GDF3: variants seen among roughly 807,000 people sequenced by gnomAD.
GDF3 encodes the protein growth differentiation factor 3.
A neutral mutation model predicts 10.2 loss-of-function variants in GDF3; 10 were observed. The observed-to-expected ratio is 0.98, with a 90% confidence interval of 0.60 to 1.66. The LOEUF (loss-of-function observed/expected upper bound fraction) is 1.66, where lower values mean the gene tolerates loss of function less well. Ranked by LOEUF, GDF3 falls within the 40% of genes most tolerant of loss-of-function variation. The pLI is 0.00. For synonymous variants in GDF3, 166 were observed against 178.5 expected (o/e 0.93, Z 0.56); for missense variants, 450 against 438.3 (o/e 1.03, Z -0.24).
At position 7,690,537 on chromosome 12, in the gene GDF3, C is replaced by T. The variant is rs1864118147; in HGVS notation, c.436G>A (p.Ala146Thr). The T allele has an allele frequency of 6.2e-7, 1 of 1,610,212 alleles. No homozygotes were observed. Among genetic ancestry groups the T allele is most frequent in the Non-Finnish European group, 8.5e-7 (1 of 1,177,446 alleles). ...TGAGGCTCCTGAACCAGGAACAGAGCCAGTTCCAGCTCTGGTCCCAGGTTA... is the reference window on the plus strand; with the variant it reads ...TGAGGCTCCTGAACCAGGAACAGAGTCAGTTCCAGCTCTGGTCCCAGGTTA... ...YYNLGPELELALFLVQEPHVW... is the reference protein window; with the variant it reads ...YYNLGPELELTLFLVQEPHVW... Residue 146 changes from alanine to threonine, a missense_variant, in exon 2 of 2, where the codon GCT (alanine) becomes ACT (threonine). Physicochemically the swap from Ala to Thr is moderately conservative, Grantham distance 58. Coordinates refer to ENST00000329913, the MANE Select transcript of GDF3 (RefSeq NM_020634.3).
chr12:7,694,223 G>A (rs930447220), intron 1 of GDF3, among the ~76,000 whole-genome samples: 4 of 152,028 alleles, frequency 2.6e-5, no homozygotes, highest in Non-Finnish European at 5.9e-5. Flanking sequence ...TTTTGCAGAC[G>A]AGAATTTTAC....
intron 1 of GDF3, among the ~76,000 whole-genome samples, chr12:7,693,225 T>C (rs2136877921): frequency 6.6e-6 from 1 of 151,894 alleles, no homozygotes; most frequent in South Asian, 2.1e-4. Flanking sequence ...TTCCCCGAGA[T>C]GGAGTCTTGC....
At position 7,695,579 on chromosome 12, in the gene GDF3, G is replaced by A. The variant is rs748396785; in HGVS notation, c.150C>T (p.Ile50=). The change falls in exon 1 of 2, where the codon ATC becomes ATT. Residue 50 remains isoleucine (I), a synonymous_variant. Transcript: ENST00000329913. ...CGCGATCCTGGAAAATTTTCTTCAA[G>A]ATATAAGGCACAGGTTGGAACTTCT... is the stretch of plus-strand genomic sequence containing the variant. The part of the protein sequence containing the change: ...SPQKFQPVPY[I]LKKIFQDREA... 44 of 1,614,026 alleles carry A rather than the reference G, an allele frequency of 2.7e-5. No individual in the cohort carries two copies. The highest frequency in any genetic ancestry group is 3.5e-5 in the Non-Finnish European group (41 of 1,180,024).
intron 1 of GDF3, among the ~76,000 whole-genome samples, chr12:7,692,892 G>T (rs3861094): frequency 2.6e-5 from 4 of 151,684 alleles, no homozygotes; most frequent in African/African-American, 9.7e-5. Flanking sequence ...ATCCTCCCAC[G>T]TCTCAAAGTG....
rs1864106114 is a variant in GDF3, at chr12:7,689,827, T to C, written c.*51A>G. 8.4e-7 allele frequency: 1 copy of C among 1,192,610 alleles called. No homozygotes were observed. The highest frequency in any genetic ancestry group is 1.3e-6 in the Non-Finnish European group (1 of 798,282). 73.9% of individuals were successfully genotyped at this position (1,192,610 alleles called of 1,614,324 possible). ...TGGTCATAAACCAGATAGGTAGTTT[T>C]ATTAAAAGATTTACCCTAAGAACAC... On this transcript the variant is annotated 3_prime_UTR_variant, in exon 2 of 2. Coordinates refer to ENST00000329913, the MANE Select transcript of GDF3 (RefSeq NM_020634.3).
chr12:7,692,690 G>A (rs1474553934), intron 1 of GDF3, among the ~76,000 whole-genome samples: 1 of 151,958 alleles, frequency 6.6e-6, no homozygotes, highest in Admixed American at 6.6e-5. Flanking sequence ...TTTTAGTAGA[G>A]ACGGGGTTTC....
At position 7,695,567 on chromosome 12, in the gene GDF3, A is replaced by C. The variant is rs375720989; in HGVS notation, c.162T>G (p.Ile54Met). ...TCGCTGCTGCCTCGCGATCCTGGAA[A>C]ATTTTCTTCAAGATATAAGGCACAG... ...FQPVPYILKK[I>M]FQDREAAATT... The change falls in exon 1 of 2, where the codon ATT becomes ATG. Residue 54 changes from isoleucine (I) to methionine (M), a missense_variant. Transcript: ENST00000329913. 52 of 1,613,978 alleles carry C rather than the reference A, an allele frequency of 3.2e-5. No individual in the cohort carries two copies. The Middle Eastern group carries it at 6.6e-4, about 20-fold the overall frequency.
In GDF3 at chr12:7,695,662, G is replaced by T. The variant is rs755588787; in HGVS notation, c.67C>A (p.Gln23Lys). 16 of 1,614,068 alleles carry T rather than the reference G, an allele frequency of 9.9e-6. No homozygotes were observed. The South Asian group carries it at 1.6e-4, about 17-fold the overall frequency. The change falls in exon 1 of 2, where the codon CAA (glutamine) becomes AAA (lysine). Residue 23 changes from glutamine to lysine, a missense_variant. Transcript: ENST00000329913. ...TGGAGAAAGACATATTCTTGAAATT[G>T]GACTGCCTGGCCCAAAGCCAGAATT... The part of the protein sequence containing the change: ...LLILALGQAV[Q>K]FQEYVFLQFL...
At position 7,695,631 on chromosome 12, in the gene GDF3, A is replaced by C; in HGVS notation, c.98T>G (p.Leu33Arg). The C allele has an allele frequency of 2.5e-6, 4 of 1,614,178 alleles. No homozygotes were observed. Among genetic ancestry groups the C allele is most frequent in the Non-Finnish European group, 3.4e-6 (4 of 1,180,006 alleles). Residue 33 changes from leucine (L) to arginine (R), a missense_variant, in exon 1 of 2, where the codon CTG (leucine) becomes CGG (arginine). Leu to Arg is a moderately radical substitution (Grantham distance 102). Coordinates refer to ENST00000329913, the MANE Select transcript of GDF3 (RefSeq NM_020634.3). ...QFQEYVFLQF[L>R]GLDKAPSPQK... ...GGGTGAAGGCGCCTTATCTAAGCCCAGAAATTGGAGAAAGACATATTCTTG... is the reference window on the plus strand; with the variant it reads ...GGGTGAAGGCGCCTTATCTAAGCCCCGAAATTGGAGAAAGACATATTCTTG...
chr12:7,694,072 G>A (rs1864158341), intron 1 of GDF3, among the ~76,000 whole-genome samples: 1 of 152,174 alleles, frequency 6.6e-6, no homozygotes, highest in South Asian at 2.1e-4. Context: ...GTGAGGATGA[G>A]ACAAGAGTGC....
chr12:7,691,595 C>T (rs1040216828), intron 1 of GDF3, among the ~76,000 whole-genome samples: 1 of 151,624 alleles, frequency 6.6e-6, no homozygotes, highest in African/African-American at 2.4e-5. Flanking sequence ...AAACAAAACA[C>T]TTATGCTAAC....
chr12:7,689,854 C>G lies in GDF3; in HGVS notation c.*24G>C. The G allele has an allele frequency of 6.9e-7, 1 of 1,440,230 alleles. No homozygotes were observed. Among genetic ancestry groups the G allele is most frequent in the Non-Finnish European group, 9.8e-7 (1 of 1,021,728 alleles). 89.2% of individuals were successfully genotyped at this position (1,440,230 alleles called of 1,614,324 possible). A position where few individuals can be genotyped will look rare whatever the true frequency, so the allele number is the denominator to read the frequency against. On this transcript the variant is annotated 3_prime_UTR_variant, in exon 2 of 2. Coordinates refer to ENST00000329913, the MANE Select transcript of GDF3 (RefSeq NM_020634.3). ...TTAAAAGATTTACCCTAAGAACACT[C>G]CTTCTATTCCCATTTCTGACATCCT...
chr12:7,695,661 T>C lies in GDF3; in HGVS notation c.68A>G (p.Gln23Arg). 2 of 1,614,174 alleles carry C rather than the reference T, an allele frequency of 1.2e-6. No individual in the cohort carries two copies. Among genetic ancestry groups the C allele is most frequent in the South Asian group, 2.2e-5 (2 of 91,086 alleles). Residue 23 changes from glutamine to arginine, a missense_variant, in exon 1 of 2, where the codon CAA (glutamine) becomes CGA (arginine). Transcript: ENST00000329913. ...LLILALGQAV[Q>R]FQEYVFLQFL... is the part of the protein sequence containing the mutation. ...TTGGAGAAAGACATATTCTTGAAAT[T>C]GGACTGCCTGGCCCAAAGCCAGAAT...
At chr12:7,690,807 G>T (rs754191808) in intron 1 of GDF3, 103 bp from the exon 2 acceptor site, 2 of 725,912 alleles carry the variant, frequency 2.8e-6, no homozygotes, top group Non-Finnish European at 4.9e-6. Context: ...TATAAGGGCA[G>T]GGAAAGACAC....
intron 1 of GDF3, among the ~76,000 whole-genome samples, chr12:7,694,401 C>CTAAAAAAT (rs142047025): frequency 0.13 from 19,009 of 150,290 alleles, 1,226 homozygotes; most frequent in Non-Finnish European, 0.14. Context: ...CCTGTCTCTA[C>CTAAAAAAT]TAAAAAATTA....
rs1019803817 is a variant in GDF3, at chr12:7,689,801, G to A, written c.*77C>T. The A allele has an allele frequency of 1.0e-6, 1 of 960,622 alleles. No homozygotes were observed. Among genetic ancestry groups the A allele is most frequent in the African/African-American group, 1.6e-5 (1 of 62,704 alleles). The allele number at this position is 960,622 out of a possible 1,614,324, so 59.5% of individuals were successfully genotyped here. On this transcript the variant is annotated 3_prime_UTR_variant, in exon 2 of 2. Transcript: ENST00000329913. ...CAGGTATATTGACATTTCGATCTAA[G>A]TGGTCATAAACCAGATAGGTAGTTT... is the stretch of plus-strand genomic sequence containing the variant.
At chr12:7,690,775 TGCCAGACACCC>T in intron 1 of GDF3, 71 bp from the exon 2 acceptor site, 3 of 878,406 alleles carry the variant, frequency 3.4e-6, no homozygotes, top group Non-Finnish European at 5.8e-6. Flanking sequence ...ATAATAGAAA[TGCCAGACACCC>T]ACATATACAA....
In GDF3 at chr12:7,695,631, A is replaced by G. The variant is rs1412440132; in HGVS notation, c.98T>C (p.Leu33Pro). ...GGGTGAAGGCGCCTTATCTAAGCCC[A>G]GAAATTGGAGAAAGACATATTCTTG... ...QFQEYVFLQFLGLDKAPSPQK... is the reference protein window; with the variant it reads ...QFQEYVFLQFPGLDKAPSPQK... Residue 33 changes from leucine to proline, a missense_variant, in exon 1 of 2, where the codon CTG (leucine) becomes CCG (proline). Physicochemically the swap from Leu to Pro is moderately conservative, Grantham distance 98. Transcript: ENST00000329913. The G allele has an allele frequency of 6.2e-7, 1 of 1,614,178 alleles. No homozygotes were observed. The highest frequency in any genetic ancestry group is 8.5e-7 in the Non-Finnish European group (1 of 1,180,006).
rs1407945287 is a variant in GDF3 at position 7,690,186 on chromosome 12, G to C, written c.787C>G (p.Leu263Val). The change falls in exon 2 of 2, where the codon CTC (leucine) becomes GTC (valine). Residue 263 changes from leucine (L) to valine (V), a missense_variant. Physicochemically the swap from Leu to Val is conservative, Grantham distance 32. Transcript: ENST00000329913. ...IPVPKLSCKN[L>V]CHRHQLFINF... is the part of the protein sequence containing the mutation. ...ATGAATAGCTGGTGACGGTGGCAGA[G>C]GTTCTTACAAGAAAGCTTGGGGACA... The C allele has an allele frequency of 3.1e-6, 5 of 1,614,006 alleles. No individual in the cohort carries two copies. The highest frequency in any genetic ancestry group is 4.2e-6 in the Non-Finnish European group (5 of 1,180,044).
Sources: allele counts gnomAD v4.1 joint callset (sites outside exome capture counted in the v4.1 genomes callset), GRCh38; gene constraint gnomAD v4.1.1; transcripts MANE v1.5; gene names NCBI Gene and HGNC (gene_info 2026-07-23, HGNC 2026-07-21).